Variants in ASIC2 observed in about 807,000 individuals in gnomAD.
The protein encoded by ASIC2 is acid sensing ion channel subunit 2.
ASIC2 carries 25 observed loss-of-function variants against 57.3 expected under a neutral mutation model. The ratio of observed to expected loss-of-function variants is 0.44; its 90% CI spans 0.32 to 0.61. ASIC2 has a LOEUF of 0.61. ASIC2 is among the 20% of genes least tolerant of loss of function. The pLI is 0.06. For synonymous variants in ASIC2, 319 were observed against 307.5 expected, an observed-to-expected ratio of 1.04 and a Z score of -0.39; for missense variants, 641 against 738.1, an observed-to-expected ratio of 0.87 and a Z score of 1.52.
intron 1 of ASIC2, chr17:34,078,966 G>A (rs944849087): frequency 2.6e-5 from 4 of 152,228 alleles, no homozygotes; most frequent in African/African-American, 4.8e-5. Context: ...GAAGGCTGGA[G>A]GCAATTTTCC....
At chr17:33,073,358 T>C (rs2092076803) in intron 3 of ASIC2, among the ~76,000 whole-genome samples, 4 of 152,212 alleles carry the variant, frequency 2.6e-5, no homozygotes, top group African/African-American at 9.6e-5. Context: ...GTCAGAAGGC[T>C]CTGGTCCCTT....
Position 34,023,570 on chromosome 17 carries a change from G to T in ASIC2, c.555+132408C>A, listed in dbSNP as rs1375792609. Among the ~76,000 whole-genome samples the T allele has an allele frequency of 2.0e-5, 3 of 152,132 alleles. No individual in the cohort carries two copies. The East Asian group carries it at 5.8e-4, about 29-fold the overall frequency. On this transcript the variant is annotated intron_variant, in intron 1 of 9. Transcript: ENST00000359872. ...TTGTCCATGAGAGCCCCTCCCTCAT[G>T]ATGGAACTAAGGCCCTCGTAAAAGA...
intron 1 of ASIC2, among the ~76,000 whole-genome samples, chr17:33,698,733 A>T (rs924176852): frequency 6.6e-6 from 1 of 152,110 alleles, no homozygotes; most frequent in African/African-American, 2.4e-5. Flanking sequence ...GTGTGGCTGC[A>T]TTGTTCTGCT....
At chr17:33,095,200 A>T (rs1470286602) in intron 2 of ASIC2, among the ~76,000 whole-genome samples, 1 of 152,100 alleles carries the variant, frequency 6.6e-6, no homozygotes, top group East Asian at 1.9e-4. Context: ...ATCCAAGGGG[A>T]TCAGTTGCTG....
rs149240069 is a variant in ASIC2 at position 33,121,588 on chromosome 17, A to G, written c.709-9521T>C. On this transcript the variant is annotated intron_variant, in intron 1 of 9. Coordinates refer to ENST00000225823, the MANE Select transcript of ASIC2 (RefSeq NM_183377.2). ...TGCTTTCAGAAAGGCCAGTGGTGCC[A>G]GTCCATGCTTCTGGCTACCTGCTGA... 5.3e-3 allele frequency among the ~76,000 whole-genome samples: 802 copies of G among 152,282 alleles called. 7 individuals are homozygous for G. Among genetic ancestry groups the G allele is most frequent in the African/African-American group, 0.019 (778 of 41,536 alleles).
At chr17:33,613,736 GC>G (rs1226043316) in intron 1 of ASIC2, among the ~76,000 whole-genome samples, 3 of 152,070 alleles carry the variant, frequency 2.0e-5, no homozygotes, top group African/African-American at 4.8e-5. Context: ...TCTACATTTT[GC>G]TTTTTGTCAC....
At position 34,034,584 on chromosome 17, in the gene ASIC2, A is replaced by G. The variant is rs564106523; in HGVS notation, c.555+121394T>C. Among the ~76,000 whole-genome samples, 210 of 152,326 alleles carry G rather than the reference A, an allele frequency of 1.4e-3. 1 individual carries two copies. Among genetic ancestry groups the G allele is most frequent in the African/African-American group, 4.9e-3 (205 of 41,562 alleles). On this transcript the variant is annotated intron_variant, in intron 1 of 9. Coordinates refer to the ASIC2 transcript ENST00000359872. ...AGGAAGTCAAATTGTCCCTGTTTGC[A>G]GATGACATGATTGTATATCTAGAAA...
chr17:33,716,565 G>T (rs760183924), intron 1 of ASIC2, among the ~76,000 whole-genome samples: 1 of 152,176 alleles, frequency 6.6e-6, no homozygotes, highest in African/African-American at 2.4e-5. Context: ...TCAACTCTCC[G>T]TCTTTGCCAC....
chr17:33,697,160 T>C (rs1180823629), intron 1 of ASIC2, among the ~76,000 whole-genome samples: 2 of 152,128 alleles, frequency 1.3e-5, no homozygotes, highest in African/African-American at 2.4e-5. Flanking sequence ...TCCTGAGGCC[T>C]CCCCAGATGC....
chr17:33,201,631 C>A (rs1906863366), intron 1 of ASIC2, among the ~76,000 whole-genome samples: 2 of 152,200 alleles, frequency 1.3e-5, no homozygotes, highest in Admixed American at 1.3e-4. Context: ...ATGACTGCAG[C>A]CCTGCCTCTG....
At position 33,209,149 on chromosome 17, in the gene ASIC2, T is replaced by A. The variant is rs1439355246; in HGVS notation, c.708+82259A>T. 3.3e-5 allele frequency among the ~76,000 whole-genome samples: 5 copies of A among 152,310 alleles called. No individual in the cohort carries two copies. In the South Asian group the frequency reaches 1.0e-3, roughly 32 times the overall value. On this transcript the variant is annotated intron_variant, in intron 1 of 9. Coordinates refer to ENST00000225823, the MANE Select transcript of ASIC2 (RefSeq NM_183377.2). ...AGGAAGCCCATGCTGTTAACTACCA[T>A]CCTACATGACATCCGTTAGGGTTTA...
intron 2 of ASIC2, chr17:33,099,911 C>T (rs1477942964): frequency 6.6e-6 from 1 of 152,140 alleles, no homozygotes; most frequent in Non-Finnish European, 1.5e-5. Context: ...GGATTCATAG[C>T]AATTTTTTGT....
At chr17:33,487,559 T>C (rs1597747567) in intron 1 of ASIC2, among the ~76,000 whole-genome samples, 1 of 152,154 alleles carries the variant, frequency 6.6e-6, no homozygotes, top group South Asian at 2.1e-4. Context: ...GTTGTGGTGG[T>C]TAATATTGAG....
chr17:33,444,703 G>T (rs1911951725), intron 1 of ASIC2, among the ~76,000 whole-genome samples: 1 of 152,108 alleles, frequency 6.6e-6, no homozygotes, highest in Non-Finnish European at 1.5e-5. Flanking sequence ...TAGGAGCCAC[G>T]TGCACTGGGA....
chr17:34,127,307 C>T (rs140896335), intron 1 of ASIC2, among the ~76,000 whole-genome samples: 15 of 152,314 alleles, frequency 9.8e-5, no homozygotes, highest in Middle Eastern at 3.4e-3. Context: ...CCCAGTCTGT[C>T]TCTAACTCTC....
chr17:33,145,080 G>A (rs1371611971), intron 1 of ASIC2, among the ~76,000 whole-genome samples: 2 of 152,194 alleles, frequency 1.3e-5, no homozygotes, highest in Non-Finnish European at 2.9e-5. Context: ...AATATATGGG[G>A]TTGCTATTTA....
intron 1 of ASIC2, among the ~76,000 whole-genome samples, chr17:34,138,465 T>C (rs1912183291): frequency 6.6e-6 from 1 of 152,192 alleles, no homozygotes; most frequent in Non-Finnish European, 1.5e-5. Flanking sequence ...AGCACAAGCA[T>C]TGGGTGCCAA....
Position 33,854,387 on chromosome 17 carries a change from C to T in ASIC2, c.555+301591G>A, listed in dbSNP as rs1913860207. Among the ~76,000 whole-genome samples the T allele has an allele frequency of 1.3e-5, 2 of 152,156 alleles. 1 individual carries two copies. The highest frequency in any genetic ancestry group is 4.8e-5 in the African/African-American group (2 of 41,426). On this transcript the variant is annotated intron_variant, in intron 1 of 9. Transcript: ENST00000359872. The stretch of plus-strand genomic sequence containing the variant: ...ATGTGCGTGTGATTTCTTTCTGTAC[C>T]CACATATGTGTATATCCATGTGCAT...
intron 3 of ASIC2, among the ~76,000 whole-genome samples, chr17:33,082,273 C>A (rs971262612): frequency 6.6e-6 from 1 of 152,024 alleles, no homozygotes; most frequent in South Asian, 2.1e-4. Flanking sequence ...TTCCCAGGAC[C>A]ACCAAGAAGT....
Sources: allele counts gnomAD v4.1 joint callset (sites outside exome capture counted in the v4.1 genomes callset), GRCh38; gene constraint gnomAD v4.1.1; transcripts MANE v1.5; gene names NCBI Gene and HGNC (gene_info 2026-07-23, HGNC 2026-07-21).